The following GNAL variants were observed in gnomAD, a reference collection of about 807,000 sequenced individuals.
The protein encoded by GNAL is G protein subunit alpha L.
In GNAL, 18 loss-of-function variants were observed where a neutral mutation model predicts 55.1. The observed-to-expected ratio is 0.33, with a 90% CI of 0.23 to 0.48. GNAL has a LOEUF of 0.48. Among genes scored for constraint, GNAL ranks in the 20% least tolerant of loss-of-function variants. The probability of loss-of-function intolerance (pLI) is 0.99; values close to 1 mark genes in which losing one functional copy is unlikely to be tolerated. For missense variants in GNAL, 412 were observed against 614.1 expected (o/e 0.67, Z 3.48); for synonymous variants, 253 against 237.0 (o/e 1.07, Z -0.62).
chr18:11,787,731 A>G (rs370473832), intron 4 of GNAL, among the ~76,000 whole-genome samples: 11 of 152,188 alleles, frequency 7.2e-5, no homozygotes, highest in African/African-American at 2.6e-4. Context: ...AAAATTAGCC[A>G]GGCATGGTGG....
chr18:11,822,690 G>A (rs1365346582), intron 4 of GNAL, among the ~76,000 whole-genome samples: 2 of 152,190 alleles, frequency 1.3e-5, no homozygotes. Context: ...TAGCTCTGGG[G>A]TCAGCACCGT....
chr18:11,728,004 A>G (rs1356576680), intron 1 of GNAL, among the ~76,000 whole-genome samples: 1 of 152,126 alleles, frequency 6.6e-6, no homozygotes, highest in Non-Finnish European at 1.5e-5. Flanking sequence ...AGGCAGGAAG[A>G]TCACTTGAGG....
intron 11 of GNAL, among the ~76,000 whole-genome samples, chr18:11,880,051 G>A (rs10164092): frequency 0.019 from 2,951 of 151,354 alleles, 83 homozygotes; most frequent in African/African-American, 0.068. Flanking sequence ...GAGGTCAGGA[G>A]TTCAAGACCA....
Position 11,720,355 on chromosome 18 carries a change from A to G in GNAL, c.376+30416A>G, listed in dbSNP as rs114615280. Among the ~76,000 whole-genome samples, 776 of 152,364 alleles carry G rather than the reference A, an allele frequency of 5.1e-3. 6 individuals are homozygous for G. The highest frequency in any genetic ancestry group is 0.018 in the African/African-American group (739 of 41,588). The stretch of plus-strand genomic sequence containing the variant: ...TTGTAAGATAGGTCTACTAATAAAA[A>G]GAATGCAACTGTTTTGGGGGAGGGA... On this transcript the variant is annotated intron_variant, in intron 1 of 11. Coordinates refer to ENST00000334049, the MANE Select transcript of GNAL (RefSeq NM_182978.4).
intron 4 of GNAL, among the ~76,000 whole-genome samples, chr18:11,786,441 T>C (rs1275673913): frequency 4.0e-4 from 43 of 108,512 alleles, no homozygotes; most frequent in African/African-American, 1.5e-3. Context: ...GTTTTCTTTT[T>C]TTTTTTTTTT....
intron 1 of GNAL, among the ~76,000 whole-genome samples, chr18:11,727,211 G>A (rs1261775212): frequency 2.6e-5 from 4 of 152,092 alleles, no homozygotes; most frequent in East Asian, 3.9e-4. Context: ...GCTTCCCTGC[G>A]CACCCTCTCT....
At chr18:11,763,639 G>A (rs12608242) in intron 4 of GNAL, among the ~76,000 whole-genome samples, 19,964 of 151,942 alleles carry the variant, frequency 0.13, 1,681 homozygotes, top group East Asian at 0.29. Context: ...CCAAAGTGCC[G>A]AGATTACAGG....
Position 11,752,802 on chromosome 18 carries a change from T to C in GNAL, c.377-51T>C. 1 of 1,315,604 alleles carries C rather than the reference T, an allele frequency of 7.6e-7. No individual in the cohort carries two copies. The highest frequency in any genetic ancestry group is 1.1e-6 in the Non-Finnish European group (1 of 908,104). 81.5% of individuals were successfully genotyped at this position (1,315,604 alleles called of 1,614,324 possible). ...CTCAGACCCGGCTAGTGGTGAGAGA[T>C]GGCAGCGATATCCGGACACAGATCA... is the stretch of plus-strand genomic sequence containing the variant. On this transcript the variant is annotated intron_variant, in intron 1 of 11. Transcript: ENST00000334049. The surrounding 1 kb of genome is among the most constrained non-coding windows in gnomAD (Gnocchi z 4.5).
At chr18:11,793,001 T>C (rs575287367) in intron 4 of GNAL, among the ~76,000 whole-genome samples, 2 of 152,360 alleles carry the variant, frequency 1.3e-5, no homozygotes, top group South Asian at 2.1e-4. Context: ...TATATAACTT[T>C]ACTCCATATG....
At position 11,777,402 on chromosome 18, in the gene GNAL, A is replaced by G. The variant is rs559819006; in HGVS notation, c.624+23457A>G. 1.8e-3 allele frequency among the ~76,000 whole-genome samples: 280 copies of G among 152,334 alleles called. 1 individual carries two copies. Among genetic ancestry groups the G allele is most frequent in the African/African-American group, 6.5e-3 (272 of 41,582 alleles). On this transcript the variant is annotated intron_variant, in intron 4 of 11. Transcript: ENST00000334049. ...TCTGCACTCTCTTTGAAGGCCTCCT[A>G]ACAGGTATTCAGATGACTCGTTAAG...
At chr18:11,729,828 C>T (rs895679230) in intron 1 of GNAL, among the ~76,000 whole-genome samples, 12 of 152,088 alleles carry the variant, frequency 7.9e-5, no homozygotes, top group South Asian at 2.1e-4. Flanking sequence ...TAAGTCGCCC[C>T]GAGGCAGTTG....
intron 1 of GNAL, among the ~76,000 whole-genome samples, chr18:11,736,127 T>A (rs2032458180): frequency 6.6e-6 from 1 of 152,204 alleles, no homozygotes; most frequent in Admixed American, 6.5e-5. Context: ...CTGGGCATGG[T>A]GGTTCACATG....
rs1264902730 is a variant in GNAL, at chr18:11,689,857, G to A, written c.294G>A (p.Ala98=). 2.0e-6 allele frequency: 3 copies of A among 1,522,236 alleles called. No homozygotes were observed. The highest frequency in any genetic ancestry group is 1.4e-5 in the African/African-American group (1 of 69,892). The allele number at this position is 1,522,236 out of a possible 1,614,324, so 94.3% of individuals were successfully genotyped here. A position where few individuals can be genotyped will look rare whatever the true frequency, so the allele number is the denominator to read the frequency against. Residue 98 remains alanine (A), a synonymous_variant, in exon 1 of 12, where the codon GCG becomes GCA. Coordinates refer to ENST00000334049, the MANE Select transcript of GNAL (RefSeq NM_182978.4). ...AGGAGCGCGAGGCGGTCAAGGAGGC[G>A]AGGAAAGTGAGCCGGGGCATCGACC... ...AAKEREAVKE[A]RKVSRGIDRM... is the part of the protein sequence containing the mutation.
intron 1 of GNAL, among the ~76,000 whole-genome samples, chr18:11,713,903 C>G (rs1438640370): frequency 6.6e-6 from 1 of 152,192 alleles, no homozygotes; most frequent in Non-Finnish European, 1.5e-5. Flanking sequence ...GTCTCCTGCC[C>G]TTTTCCTGTC....
chr18:11,780,376 TA>T lies in GNAL; in HGVS notation c.624+26442del, dbSNP rs199740761. On this transcript the variant is annotated intron_variant, in intron 4 of 11. Transcript: ENST00000334049. Reference sequence around the variant, plus strand: ...TTGTTTTTATTATGGCTCTTATATTTAAAAAAAAAAAGATAATTTTTTGGTC... The same window carrying T: ...TTGTTTTTATTATGGCTCTTATATTTAAAAAAAAAAGATAATTTTTTGGTC... Among the ~76,000 whole-genome samples, 96 of 148,410 alleles carry T rather than the reference TA, an allele frequency of 6.5e-4. 1 individual carries two copies. Among genetic ancestry groups the T allele is most frequent in the Middle Eastern group, 3.5e-3 (1 of 284 alleles).
rs533032940 is a variant in GNAL at position 11,812,303 on chromosome 18, G to A, written c.625-12615G>A. Among the ~76,000 whole-genome samples the A allele has an allele frequency of 7.5e-4, 114 of 152,278 alleles. 1 individual carries two copies. Among genetic ancestry groups the A allele is most frequent in the African/African-American group, 2.6e-3 (109 of 41,536 alleles). ...TCTTCAAGTATCTTTGAAAAAATGAGTAAAAGCAGTAGAAATCCTGCAACT... is the reference window on the plus strand; with the variant it reads ...TCTTCAAGTATCTTTGAAAAAATGAATAAAAGCAGTAGAAATCCTGCAACT... On this transcript the variant is annotated intron_variant, in intron 4 of 11. Coordinates refer to ENST00000334049, the MANE Select transcript of GNAL (RefSeq NM_182978.4).
rs1384983144 is a variant in GNAL, at chr18:11,767,561, C to A, written c.624+13616C>A. On this transcript the variant is annotated intron_variant, in intron 4 of 11. Transcript: ENST00000334049. ...GTGAGCCCTTGTGCTTGCACACTTG[C>A]ACTCTCCACGCCCTTGGCCTTGCAC... Among the ~76,000 whole-genome samples, 4 of 152,112 alleles carry A rather than the reference C, an allele frequency of 2.6e-5. No individual in the cohort carries two copies. The South Asian group carries it at 6.2e-4, about 24-fold the overall frequency.
At chr18:11,781,657 A>G (rs903701610) in intron 4 of GNAL, among the ~76,000 whole-genome samples, 16 of 152,348 alleles carry the variant, frequency 1.1e-4, no homozygotes, top group Admixed American at 9.8e-4. Context: ...TGTGAGAATT[A>G]TAAGCTACTT....
chr18:11,885,528 G>A lies in GNAL; in HGVS notation c.*4393G>A. 1 of 908,136 alleles carries A rather than the reference G, an allele frequency of 1.1e-6. No individual in the cohort carries two copies. Among genetic ancestry groups the A allele is most frequent in the Non-Finnish European group, 1.7e-6 (1 of 599,592 alleles). The allele number at this position is 908,136 out of a possible 1,614,324, so 56.3% of individuals were successfully genotyped here. On this transcript the variant is annotated 3_prime_UTR_variant, in exon 12 of 12. Transcript: ENST00000334049. ...GGTTCCCGGAAGGGTGTTTGGCAAG[G>A]GGCAGTGTATGGAGCTACGTGTAGA...
Sources: allele counts gnomAD v4.1 joint callset (sites outside exome capture counted in the v4.1 genomes callset), GRCh38; gene constraint gnomAD v4.1.1; non-coding constraint Gnocchi (gnomAD v3.1); transcripts MANE v1.5; gene names NCBI Gene and HGNC (gene_info 2026-07-23, HGNC 2026-07-21).